LPIN2: variants seen among roughly 807,000 people sequenced by gnomAD.
LPIN2 encodes the protein lipin 2.
In LPIN2, 55 loss-of-function variants were observed where a neutral mutation model predicts 111.4. That is an observed-to-expected ratio of 0.49 (90% CI 0.40 to 0.62). The LOEUF is 0.62. LPIN2 is among the 20% of genes least tolerant of loss of function. LPIN2 has a pLI of 0.00. For synonymous variants in LPIN2, 425 were observed against 414.0 expected (o/e 1.03, Z -0.32); for missense variants, 992 against 1,112.1 (o/e 0.89, Z 1.54).
Position 3,003,911 on chromosome 18 carries a change from C to T in LPIN2, c.-10+9176G>A, listed in dbSNP as rs564518680. On this transcript the variant is annotated intron_variant, in intron 1 of 19. Transcript: ENST00000677752. Reference sequence around the variant, plus strand: ...ATGAACGTGTAAGTAGGAGAGATATCGCTGAATTCTTTTCCCAGCAAGGAA... The same window carrying T: ...ATGAACGTGTAAGTAGGAGAGATATTGCTGAATTCTTTTCCCAGCAAGGAA... 4.6e-5 allele frequency among the ~76,000 whole-genome samples: 7 copies of T among 152,260 alleles called. No homozygotes were observed. In the South Asian group the frequency reaches 1.0e-3, roughly 23 times the overall value.
At chr18:2,920,743 C>T (rs1008797639) in intron 19 of LPIN2, 35 bp downstream of exon 19, 13 of 1,532,282 alleles carry the variant, frequency 8.5e-6, no homozygotes, top group Non-Finnish European at 2.7e-6. Context: ...CCCCTGGCTG[C>T]AGGGCGCCGG....
chr18:2,951,309 A>T lies in LPIN2; in HGVS notation c.336T>A (p.Asp112Glu). 6.2e-7 allele frequency: 1 copy of T among 1,614,130 alleles called. No homozygotes were observed. The highest frequency in any genetic ancestry group is 1.7e-5 in the Admixed American group (1 of 60,012). The change falls in exon 4 of 20, where the codon GAT (aspartate) becomes GAA (glutamate). Residue 112 changes from aspartate (D) to glutamate (E), a missense_variant. Asp to Glu is a conservative substitution (Grantham distance 45, BLOSUM62 2). This residue lies in a region of LPIN2 where 709 missense variants were observed against 753.2 expected (regional missense o/e 0.94). Transcript: ENST00000677752. Reference sequence around the variant, plus strand: ...GGGTGTCAATATCTTTAAAGAACTGATCTTCAGTAGGAATTGGTGAGGTGG... The same window carrying T: ...GGGTGTCAATATCTTTAAAGAACTGTTCTTCAGTAGGAATTGGTGAGGTGG... ...YLATSPIPTE[D>E]QFFKDIDTPL...
At chr18:2,932,282 A>G (rs2077221773) in intron 8 of LPIN2, among the ~76,000 whole-genome samples, 1 of 152,186 alleles carries the variant, frequency 6.6e-6, no homozygotes, top group South Asian at 2.1e-4. Flanking sequence ...AAATTCACTT[A>G]TTTTATTCAA....
chr18:3,003,245 G>C (rs779584763), intron 1 of LPIN2, among the ~76,000 whole-genome samples: 1 of 152,188 alleles, frequency 6.6e-6, no homozygotes, highest in Non-Finnish European at 1.5e-5. Context: ...ACTAAGTAAA[G>C]CACCACTAAA....
At chr18:3,012,879 C>T (rs1181962650) in intron 1 of LPIN2, among the ~76,000 whole-genome samples, 2 of 151,582 alleles carry the variant, frequency 1.3e-5, no homozygotes, top group African/African-American at 4.8e-5. Flanking sequence ...CTACGTGGCG[C>T]GGTCGCGGCG....
At chr18:3,005,600 C>T (rs2078501816) in intron 1 of LPIN2, among the ~76,000 whole-genome samples, 1 of 151,950 alleles carries the variant, frequency 6.6e-6, no homozygotes, top group Non-Finnish European at 1.5e-5. Flanking sequence ...TTGCTTGATC[C>T]CAGCAGGTCC....
Position 2,951,197 on chromosome 18 carries a change from T to C in LPIN2, c.448A>G (p.Ser150Gly), listed in dbSNP as rs1190747618. 2 of 1,614,064 alleles carry C rather than the reference T, an allele frequency of 1.2e-6. No homozygotes were observed. The highest frequency in any genetic ancestry group is 1.7e-6 in the Non-Finnish European group (2 of 1,180,036). ...CTTCGTTTTTTCTTTTTCACAGAAC[T>C]TGGAGTAAAAATTGTCTCTGTTTCC... ...VLETETIFTPSSVKKKKRRRK... is the reference protein window; with the variant it reads ...VLETETIFTPGSVKKKKRRRK... Residue 150 changes from serine to glycine, a missense_variant, in exon 4 of 20, where the codon AGT becomes GGT. Physicochemically the swap from Ser to Gly is moderately conservative, Grantham distance 56. This residue lies in a region of LPIN2 where 709 missense variants were observed against 753.2 expected (regional missense o/e 0.94). Transcript: ENST00000677752.
At chr18:2,989,128 C>T (rs151305643) in intron 1 of LPIN2, among the ~76,000 whole-genome samples, 149 of 152,050 alleles carry the variant, frequency 9.8e-4, no homozygotes, top group Admixed American at 2.6e-3. Context: ...TTGCTTTATC[C>T]CTATATTTTA....
chr18:2,988,629 G>A (rs905514949), intron 1 of LPIN2, among the ~76,000 whole-genome samples: 1 of 152,172 alleles, frequency 6.6e-6, no homozygotes, highest in Non-Finnish European at 1.5e-5. Flanking sequence ...AATGCACTAA[G>A]TAGTAAAAGA....
At chr18:2,978,210 A>T (rs1360444608) in intron 1 of LPIN2, among the ~76,000 whole-genome samples, 2 of 152,084 alleles carry the variant, frequency 1.3e-5, no homozygotes, top group East Asian at 3.9e-4. Context: ...AATAAAAAAA[A>T]AAGTTGAAGG....
chr18:2,976,282 G>C (rs191918185), intron 1 of LPIN2, among the ~76,000 whole-genome samples: 1 of 152,188 alleles, frequency 6.6e-6, no homozygotes, highest in Non-Finnish European at 1.5e-5. Flanking sequence ...TAGTAAATGA[G>C]GGTAAGAACC....
At chr18:2,930,960 G>A (rs1428626400) in intron 9 of LPIN2, among the ~76,000 whole-genome samples, 1 of 152,190 alleles carries the variant, frequency 6.6e-6, no homozygotes, top group Non-Finnish European at 1.5e-5. Context: ...GAAAACTGGT[G>A]CAGTGTGATG....
intron 1 of LPIN2, among the ~76,000 whole-genome samples, chr18:2,976,471 T>C (rs375536469): frequency 6.6e-6 from 1 of 152,218 alleles, no homozygotes; most frequent in African/African-American, 2.4e-5. Context: ...GAAAAAAGAA[T>C]GTAGGCTGCC....
chr18:2,976,056 T>C (rs564714287), intron 1 of LPIN2, among the ~76,000 whole-genome samples: 3 of 152,328 alleles, frequency 2.0e-5, no homozygotes, highest in Admixed American at 6.5e-5. Flanking sequence ...CAAAGTAATA[T>C]ATTACTATAG....
intron 4 of LPIN2, among the ~76,000 whole-genome samples, chr18:2,945,199 T>A (rs2077431686): frequency 6.6e-6 from 1 of 152,190 alleles, no homozygotes; most frequent in South Asian, 2.1e-4. Context: ...AATTATGGAA[T>A]AATACAAAGA....
chr18:2,923,684 CAT>C, intron 16 of LPIN2, 89 bp downstream of exon 16: 1 of 1,061,088 alleles, frequency 9.4e-7, no homozygotes, highest in Non-Finnish European at 1.5e-6. Flanking sequence ...ACACATGACT[CAT>C]GTGGACTGAA....
At position 2,928,583 on chromosome 18, in the gene LPIN2, C is replaced by A. The variant is rs751918963; in HGVS notation, c.1620+8G>T. 1.2e-6 allele frequency: 2 copies of A among 1,613,918 alleles called. No individual in the cohort carries two copies. Among genetic ancestry groups the A allele is most frequent in the Admixed American group, 1.7e-5 (1 of 60,010 alleles). ...TTCGGAAAGGCAGCAGATGGTGGAT[C>A]GCCTCACCTTAGGCAAGCTCTTCTG... On this transcript the variant is annotated splice_region_variant and intron_variant, in intron 11 of 19. Coordinates refer to ENST00000677752, the MANE Select transcript of LPIN2 (RefSeq NM_001375808.2).
At position 2,923,795 on chromosome 18, in the gene LPIN2, C is replaced by T. The variant is rs1372076816; in HGVS notation, c.2154G>A (p.Lys718=). 12 of 1,614,148 alleles carry T rather than the reference C, an allele frequency of 7.4e-6. No individual in the cohort carries two copies. The highest frequency in any genetic ancestry group is 1.0e-5 in the Non-Finnish European group (12 of 1,180,010). The change falls in exon 16 of 20, where the codon AAG becomes AAA. Residue 718 remains lysine, a synonymous_variant. Transcript: ENST00000677752. Reference sequence around the variant, plus strand: ...CCTACTCATTGATGGAATGGTAGAGCTTTGCTATACCCTGGTGGGTCCAGT... The same window carrying T: ...CCTACTCATTGATGGAATGGTAGAGTTTTGCTATACCCTGGTGGGTCCAGT... The part of the protein sequence containing the change: ...GKDWTHQGIA[K]LYHSINENGY...
intron 1 of LPIN2, among the ~76,000 whole-genome samples, chr18:2,997,698 A>G (rs1242216472): frequency 6.6e-6 from 1 of 152,234 alleles, no homozygotes; most frequent in Non-Finnish European, 1.5e-5. Context: ...TAAAAGCAGT[A>G]TAACTCAAAA....
Sources: gnomAD v4.1 joint callset for allele counts (sites outside exome capture counted in the v4.1 genomes callset) on GRCh38, gnomAD v4.1.1 for gene constraint, gnomAD v4.1.1 regional missense constraint, MANE v1.5 for transcripts, NCBI Gene and HGNC (gene_info 2026-07-23, HGNC 2026-07-21) for gene names.